WASHC5: variants seen among roughly 807,000 people sequenced by gnomAD.
WASHC5 encodes WASH complex subunit 5.
In WASHC5, 101 loss-of-function variants were observed where a neutral mutation model predicts 150.4. That is an observed-to-expected ratio of 0.67 (90% CI 0.57 to 0.79). The LOEUF is 0.79. Ranked by LOEUF, WASHC5 falls within the 30% of genes least tolerant of loss-of-function variation. The pLI, the probability that WASHC5 is intolerant of heterozygous loss-of-function variation, is 0.00. For synonymous variants in WASHC5, 467 were observed against 491.2 expected (o/e 0.95, Z 0.65); for missense variants, 1,195 against 1,396.3 (o/e 0.86, Z 2.30).
At chr8:125,061,031 TA>T in intron 12 of WASHC5, 50 bp downstream of exon 12, 1 of 980,608 alleles carries the variant, frequency 1.0e-6, no homozygotes, top group Non-Finnish European at 1.6e-6. Context: ...GGGTGGGTCA[TA>T]AGGTGTGATT....
At chr8:125,059,164 G>A (rs1266025859) in intron 14 of WASHC5, 58 bp downstream of exon 14, 23 of 1,192,544 alleles carry the variant, frequency 1.9e-5, no homozygotes, top group African/African-American at 4.5e-5. Flanking sequence ...AATGAATGAG[G>A]TATGAATGAA....
chr8:125,041,428 C>A (rs1335435108), intron 23 of WASHC5, among the ~76,000 whole-genome samples: 2 of 152,104 alleles, frequency 1.3e-5, no homozygotes, highest in African/African-American at 4.8e-5. Context: ...TCGCTTGAGG[C>A]TAGGAGTTCG....
chr8:125,087,603 C>A (rs766212115), intron 1 of WASHC5, among the ~76,000 whole-genome samples: 11 of 151,746 alleles, frequency 7.2e-5, no homozygotes, highest in African/African-American at 2.7e-4. Flanking sequence ...TATGGTGGTG[C>A]GAGCCTGTAG....
At chr8:125,070,015 T>C (rs1418488845) in intron 9 of WASHC5, among the ~76,000 whole-genome samples, 1 of 152,184 alleles carries the variant, frequency 6.6e-6, no homozygotes, top group East Asian at 1.9e-4. Context: ...GCTTCTGGGG[T>C]TCCCAGGGCC....
chr8:125,024,841 A>G (rs1344267926), intron 28 of WASHC5, among the ~76,000 whole-genome samples, 168 bp from the exon 29 acceptor site: 1 of 151,898 alleles, frequency 6.6e-6, no homozygotes, highest in African/African-American at 2.4e-5. Flanking sequence ...GGTGCCCCCT[A>G]GACTAGCGTC....
chr8:125,060,694 C>CAAAAT, intron 12 of WASHC5, among the ~76,000 whole-genome samples: 1 of 152,132 alleles, frequency 6.6e-6, no homozygotes, highest in Non-Finnish European at 1.5e-5. Flanking sequence ...TAATTATTTT[C>CAAAAT]ATTTTTGTGT....
intron 14 of WASHC5, among the ~76,000 whole-genome samples, chr8:125,057,942 C>T (rs1329288882): frequency 6.6e-6 from 1 of 152,072 alleles, no homozygotes; most frequent in Non-Finnish European, 1.5e-5. Context: ...GTCAGACACC[C>T]TGGGGGTGCG....
intron 12 of WASHC5, 56 bp from the exon 13 acceptor site, chr8:125,059,598 A>G (rs138634426): frequency 4.4e-6 from 6 of 1,359,806 alleles, no homozygotes; most frequent in Non-Finnish European, 6.3e-6. Flanking sequence ...TATGGTGCTC[A>G]TTTGTTCTTG....
intron 27 of WASHC5, 68 bp downstream of exon 27, chr8:125,032,173 G>T: frequency 6.5e-7 from 1 of 1,539,066 alleles, no homozygotes; most frequent in Non-Finnish European, 9.0e-7. Flanking sequence ...AGAGGAATTT[G>T]GTAATGTGAG....
intron 10 of WASHC5, 151 bp downstream of exon 10, chr8:125,067,441 T>C (rs1816774968): frequency 4.5e-6 from 3 of 668,196 alleles, no homozygotes; most frequent in Middle Eastern, 8.4e-4. Flanking sequence ...TAAATGTTTA[T>C]TCCTGTCCTT....
intron 10 of WASHC5, among the ~76,000 whole-genome samples, chr8:125,064,167 TTTA>T (rs1816683116): frequency 1.3e-5 from 2 of 151,668 alleles, no homozygotes. Context: ...TATTTATTTA[TTTA>T]TTATTATACA....
At chr8:125,067,337 A>C (rs1183372709) in intron 10 of WASHC5, among the ~76,000 whole-genome samples, 1 of 152,064 alleles carries the variant, frequency 6.6e-6, no homozygotes, top group Non-Finnish European at 1.5e-5. Flanking sequence ...TCTTTGATTA[A>C]TGTCTATATT....
intron 6 of WASHC5, among the ~76,000 whole-genome samples, chr8:125,076,763 T>TAAAAAAAAAAAAAAAAAC (rs1817075850): frequency 1.7e-5 from 2 of 120,954 alleles, no homozygotes; most frequent in South Asian, 3.0e-4. Flanking sequence ...AAAAAAAAAG[T>TAAAAAAAAAAAAAAAAAC]CCCATTCCTG....
At chr8:125,047,062 T>C in intron 20 of WASHC5, 145 bp downstream of exon 20, 1 of 951,238 alleles carries the variant, frequency 1.1e-6, no homozygotes, top group Non-Finnish European at 1.7e-6. Context: ...GCGCAGGGGT[T>C]AGGGACCCTT....
intron 24 of WASHC5, 96 bp from the exon 25 acceptor site, chr8:125,039,055 G>T: frequency 7.6e-7 from 1 of 1,316,832 alleles, no homozygotes; most frequent in Non-Finnish European, 1.1e-6. Flanking sequence ...TCAAGCCTCA[G>T]TTTCCTCATC....
intron 20 of WASHC5, 50 bp from the exon 21 acceptor site, chr8:125,044,748 T>C (rs1245548381): frequency 6.3e-7 from 1 of 1,578,400 alleles, no homozygotes; most frequent in African/African-American, 1.3e-5. Context: ...AATTCATCCT[T>C]AAAGAGATGT....
At chr8:125,085,137 T>C (rs1235998980) in intron 1 of WASHC5, among the ~76,000 whole-genome samples, 1 of 152,188 alleles carries the variant, frequency 6.6e-6, no homozygotes, top group Non-Finnish European at 1.5e-5. Context: ...CTGCTGGAGA[T>C]GAGCCCTGAA....
intron 1 of WASHC5, among the ~76,000 whole-genome samples, chr8:125,086,367 T>G (rs1817422103): frequency 6.6e-6 from 1 of 152,120 alleles, no homozygotes; most frequent in Non-Finnish European, 1.5e-5. Context: ...CTCAAACTCC[T>G]GGGCTCAAGC....
In WASHC5 at chr8:125,074,982, C is replaced by T. The variant is rs372066585; in HGVS notation, c.978+16G>A. Reference sequence around the variant, plus strand: ...GGCCTGCAGTTATCAGAGAATGTCCCCAGATTAGAACCTACCTGTTCTCTG... The same window carrying T: ...GGCCTGCAGTTATCAGAGAATGTCCTCAGATTAGAACCTACCTGTTCTCTG... On this transcript the variant is annotated intron_variant, in intron 8 of 28. Transcript: ENST00000318410. The T allele has an allele frequency of 2.1e-6, 3 of 1,457,316 alleles. No individual in the cohort carries two copies. The highest frequency in any genetic ancestry group is 1.9e-6 in the Non-Finnish European group (2 of 1,037,134). The allele number at this position is 1,457,316 out of a possible 1,614,324, so 90.3% of individuals were successfully genotyped here.
Sources: allele counts gnomAD v4.1 joint callset (sites outside exome capture counted in the v4.1 genomes callset), GRCh38; gene constraint gnomAD v4.1.1; transcripts MANE v1.5; gene names NCBI Gene and HGNC (gene_info 2026-07-23, HGNC 2026-07-21).